The following RFWD3 variants were observed in gnomAD, a reference collection of about 807,000 sequenced individuals.
RFWD3 encodes E3 ubiquitin-protein ligase RFWD3.
In RFWD3, 65 loss-of-function variants were observed where a neutral mutation model predicts 87.7. That is an observed-to-expected ratio of 0.74 (90% CI 0.61 to 0.91). The LOEUF (loss-of-function observed/expected upper bound fraction) is 0.91, where lower values mean the gene tolerates loss of function less well. RFWD3 is among the 40% of genes least tolerant of loss of function. The probability of loss-of-function intolerance (pLI) is 0.00; values close to 1 mark genes in which losing one functional copy is unlikely to be tolerated. For synonymous variants in RFWD3, 433 were observed against 352.8 expected (o/e 1.23, Z -2.55); for missense variants, 1,078 against 938.5 (o/e 1.15, Z -1.94).
At chr16:74,651,856 C>T (rs147588332) in intron 3 of RFWD3, 64 bp downstream of exon 3, 362 of 1,425,950 alleles carry the variant, frequency 2.5e-4, no homozygotes, top group Middle Eastern at 2.3e-4. Flanking sequence ...TAGTTTCTAG[C>T]CTTCCGAAAT....
chr16:74,629,696 T>C (rs896393813), intron 10 of RFWD3, among the ~76,000 whole-genome samples: 1 of 152,224 alleles, frequency 6.6e-6, no homozygotes, highest in South Asian at 2.1e-4. Flanking sequence ...TATTTTACTG[T>C]CTACTCTATT....
intron 8 of RFWD3, among the ~76,000 whole-genome samples, chr16:74,636,143 AC>A (rs1449681795): frequency 1.3e-5 from 2 of 152,158 alleles, no homozygotes; most frequent in African/African-American, 4.8e-5. Context: ...CAGTATTTCT[AC>A]CCTCTTGGTT....
intron 8 of RFWD3, among the ~76,000 whole-genome samples, chr16:74,634,453 T>C (rs1294393613): frequency 6.6e-6 from 1 of 152,120 alleles, no homozygotes; most frequent in Non-Finnish European, 1.5e-5. Context: ...GGCACCATCA[T>C]GGCTCACAAT....
chr16:74,636,626 C>T, intron 7 of RFWD3, 49 bp from the exon 8 acceptor site: 1 of 1,305,346 alleles, frequency 7.7e-7, no homozygotes. Flanking sequence ...ATTTGATATT[C>T]CCCTCAAATA....
chr16:74,636,720 G>GT (rs1004168279), intron 7 of RFWD3, 143 bp from the exon 8 acceptor site: 55,961 of 482,548 alleles, frequency 0.12, 5 homozygotes, highest in South Asian at 0.18. Flanking sequence ...CAGAGTTTTT[G>GT]TTTTTTTTTT....
chr16:74,653,007 C>T (rs1373288366), intron 2 of RFWD3, among the ~76,000 whole-genome samples: 2 of 152,074 alleles, frequency 1.3e-5, no homozygotes, highest in Non-Finnish European at 2.9e-5. Flanking sequence ...ATACTAAAAA[C>T]CAGGAGTTCC....
At chr16:74,657,838 C>T (rs1271811232) in intron 2 of RFWD3, among the ~76,000 whole-genome samples, 1 of 152,140 alleles carries the variant, frequency 6.6e-6, no homozygotes, top group Non-Finnish European at 1.5e-5. Context: ...TCTAAGTGAA[C>T]AGCAGCTATA....
At chr16:74,659,205 TCTGCGTCC>T (rs1961238088) in intron 2 of RFWD3, among the ~76,000 whole-genome samples, 1 of 152,160 alleles carries the variant, frequency 6.6e-6, no homozygotes, top group Non-Finnish European at 1.5e-5. Context: ...AGGAATCCAC[TCTGCGTCC>T]CCCAACAAGA....
intron 8 of RFWD3, among the ~76,000 whole-genome samples, chr16:74,635,106 C>A (rs1959183150): frequency 6.6e-6 from 1 of 151,932 alleles, no homozygotes; most frequent in Admixed American, 6.6e-5. Context: ...CGGTGAAACT[C>A]CGTCTCTTCT....
intron 2 of RFWD3, among the ~76,000 whole-genome samples, chr16:74,658,581 T>A (rs1961180391): frequency 6.6e-6 from 1 of 152,150 alleles, no homozygotes; most frequent in African/African-American, 2.4e-5. Flanking sequence ...AGGTCATACT[T>A]CAGGGAAAAA....
At chr16:74,660,869 G>C in intron 2 of RFWD3, 63 bp downstream of exon 2, 1 of 1,524,888 alleles carries the variant, frequency 6.6e-7, no homozygotes. Flanking sequence ...TTGAATGGCA[G>C]AGCCTCAGTT....
At chr16:74,636,968 C>T (rs1345358708) in intron 7 of RFWD3, among the ~76,000 whole-genome samples, 1 of 151,912 alleles carries the variant, frequency 6.6e-6, no homozygotes, top group Non-Finnish European at 1.5e-5. Flanking sequence ...CCGCCTCGGC[C>T]GCCCAAAGTG....
chr16:74,648,799 A>G (rs1233729899), intron 4 of RFWD3, among the ~76,000 whole-genome samples: 1 of 151,576 alleles, frequency 6.6e-6, no homozygotes, highest in Non-Finnish European at 1.5e-5. Context: ...AAAAGGGGAT[A>G]TTCAGGTTGG....
intron 3 of RFWD3, among the ~76,000 whole-genome samples, chr16:74,650,379 T>TG (rs1190460784): frequency 1.7e-5 from 2 of 119,270 alleles, no homozygotes; most frequent in Non-Finnish European, 3.5e-5. Flanking sequence ...GCAATGGGGG[T>TG]GGGGGGCTGG....
Position 74,624,063 on chromosome 16 carries a change from A to G in RFWD3, c.2190T>C (p.Asp730=). Residue 730 remains aspartate, a synonymous_variant, in exon 13 of 13, where the codon GAT becomes GAC. Transcript: ENST00000361070. The stretch of plus-strand genomic sequence containing the variant: ...CCTGGAGCAACGAGCCACTGGCAGC[A>G]TCCCACAGCTAAAGAACACAAGCAG... ...DEAANSALLW[D]AASGSLLQDL... is the part of the protein sequence containing the mutation. 1 of 1,613,958 alleles carries G rather than the reference A, an allele frequency of 6.2e-7. No homozygotes were observed. The highest frequency in any genetic ancestry group is 8.5e-7 in the Non-Finnish European group (1 of 1,179,960).
intron 10 of RFWD3, among the ~76,000 whole-genome samples, chr16:74,629,930 C>A (rs1314172610): frequency 6.6e-6 from 1 of 152,168 alleles, no homozygotes; most frequent in Non-Finnish European, 1.5e-5. Flanking sequence ...ATCCTCAGAA[C>A]TTGGGCTCAC....
intron 10 of RFWD3, among the ~76,000 whole-genome samples, chr16:74,630,208 G>C (rs1299705765): frequency 2.6e-5 from 4 of 152,072 alleles, no homozygotes; most frequent in Admixed American, 2.6e-4. Flanking sequence ...AGATTCTTCT[G>C]CCTCGGCCTT....
At position 74,655,060 on chromosome 16, in the gene RFWD3, A is replaced by G. The variant is rs1006255520; in HGVS notation, c.519-2938T>C. Among the ~76,000 whole-genome samples, 13 of 152,306 alleles carry G rather than the reference A, an allele frequency of 8.5e-5. No homozygotes were observed. In the East Asian group the frequency reaches 2.1e-3, roughly 25 times the overall value. Reference sequence around the variant, plus strand: ...CCAAGTTATCCAGAATATCTAGCTAAGACAATTGATGAAAGTATCTACACT... The same window carrying G: ...CCAAGTTATCCAGAATATCTAGCTAGGACAATTGATGAAAGTATCTACACT... On this transcript the variant is annotated intron_variant, in intron 2 of 12. Coordinates refer to ENST00000361070, the MANE Select transcript of RFWD3 (RefSeq NM_018124.4).
chr16:74,642,209 G>A lies in RFWD3; in HGVS notation c.1079+2153C>T, dbSNP rs547317078. Among the ~76,000 whole-genome samples the A allele has an allele frequency of 1.9e-4, 28 of 151,040 alleles. No individual in the cohort carries two copies. The East Asian group carries it at 4.6e-3, about 25-fold the overall frequency. ...GCAATCTCAGCTTACAGTAACCTCCGCCTCCCAGGTTCAAGCGATTCTCGT... is the reference window on the plus strand; with the variant it reads ...GCAATCTCAGCTTACAGTAACCTCCACCTCCCAGGTTCAAGCGATTCTCGT... On this transcript the variant is annotated intron_variant, in intron 6 of 12. Transcript: ENST00000361070.
Sources: gnomAD v4.1 joint callset for allele counts (sites outside exome capture counted in the v4.1 genomes callset) on GRCh38, gnomAD v4.1.1 for gene constraint, MANE v1.5 for transcripts, NCBI Gene and HGNC (gene_info 2026-07-23, HGNC 2026-07-21) for gene names.